Variants in STRN3 observed in about 807,000 individuals in gnomAD.
STRN3 encodes the protein striatin 3.
A neutral mutation model predicts 95.6 loss-of-function variants in STRN3; 29 were observed. The ratio of observed to expected loss-of-function variants is 0.30; its 90% CI spans 0.23 to 0.41. The LOEUF is 0.41. Among genes scored for constraint, STRN3 ranks in the 10% least tolerant of loss-of-function variants. The pLI is 1.00. For synonymous variants in STRN3, 331 were observed against 357.6 expected (o/e 0.93, Z 0.84); for missense variants, 890 against 972.1 (o/e 0.92, Z 1.12).
chr14:30,934,859 A>G lies in STRN3; in HGVS notation c.988+304T>C, dbSNP rs148246305. ...CGGGAATGTTTAAAACTGAATACATAAATTTTTAAAAATTGACTAAAGGGA... is the reference window on the plus strand; with the variant it reads ...CGGGAATGTTTAAAACTGAATACATGAATTTTTAAAAATTGACTAAAGGGA... On this transcript the variant is annotated intron_variant, in intron 7 of 17. Coordinates refer to ENST00000357479, the MANE Select transcript of STRN3 (RefSeq NM_001083893.2). 5.9e-5 allele frequency among the ~76,000 whole-genome samples: 9 copies of G among 152,324 alleles called. No individual in the cohort carries two copies. The East Asian group carries it at 1.7e-3, about 29-fold the overall frequency.
chr14:31,004,319 CG>C (rs1882617491), intron 1 of STRN3, among the ~76,000 whole-genome samples: 1 of 151,898 alleles, frequency 6.6e-6, no homozygotes, highest in East Asian at 1.9e-4. Flanking sequence ...AAAAAATTAG[CG>C]GAGTATGGTG....
intron 1 of STRN3, among the ~76,000 whole-genome samples, chr14:30,990,649 C>T (rs1881910054): frequency 1.3e-5 from 2 of 152,046 alleles, no homozygotes; most frequent in African/African-American, 4.8e-5. Flanking sequence ...TACAGTTGGC[C>T]CTCACTATCT....
At chr14:30,920,613 C>T (rs1896855136) in intron 8 of STRN3, among the ~76,000 whole-genome samples, 1 of 152,096 alleles carries the variant, frequency 6.6e-6, no homozygotes, top group Non-Finnish European at 1.5e-5. Context: ...AAAAAAGAAT[C>T]TCCCTTTAAA....
intron 1 of STRN3, among the ~76,000 whole-genome samples, chr14:31,020,274 G>A (rs532931949): frequency 6.6e-5 from 10 of 152,198 alleles, no homozygotes; most frequent in South Asian, 2.1e-4. Flanking sequence ...CAAGGCAGGC[G>A]GATTACTTGA....
At chr14:31,019,445 T>C (rs759693831) in intron 1 of STRN3, among the ~76,000 whole-genome samples, 30 of 152,230 alleles carry the variant, frequency 2.0e-4, no homozygotes, top group Non-Finnish European at 4.0e-4. Context: ...CACAATACTA[T>C]ATTATTTTCT....
At position 30,947,192 on chromosome 14, in the gene STRN3, C is replaced by T. The variant is rs1160015626; in HGVS notation, c.614G>A (p.Gly205Glu). The change falls in exon 5 of 18, where the codon GGA (glycine) becomes GAA (glutamate). Residue 205 changes from glycine (G) to glutamate (E), a missense_variant. Gly to Glu is a moderately conservative substitution (Grantham distance 98). This residue lies in a region of STRN3 where 526 missense variants were observed against 526.3 expected (regional missense o/e 1.00). Transcript: ENST00000357479. ...TCCATTTGGTTCTGAATTAGATAGT[C>T]CAAGTAATGACCTTACCCGCTGAGA... ...VRSQRVRSLLGLSNSEPNGSV... is the reference protein window; with the variant it reads ...VRSQRVRSLLELSNSEPNGSV... 2 of 1,613,126 alleles carry T rather than the reference C, an allele frequency of 1.2e-6. No individual in the cohort carries two copies. The highest frequency in any genetic ancestry group is 1.7e-6 in the Non-Finnish European group (2 of 1,179,560).
chr14:30,901,520 T>C (rs1462837923), intron 16 of STRN3, among the ~76,000 whole-genome samples: 1 of 152,238 alleles, frequency 6.6e-6, no homozygotes, highest in Non-Finnish European at 1.5e-5. Flanking sequence ...TCTTACTTGA[T>C]AATTTGTTAC....
intron 8 of STRN3, among the ~76,000 whole-genome samples, chr14:30,926,475 GTC>G (rs1469497979): frequency 6.6e-6 from 1 of 151,886 alleles, no homozygotes; most frequent in East Asian, 1.9e-4. Context: ...CAAATAAATA[GTC>G]TCTGAGTGGT....
intron 7 of STRN3, 52 bp from the exon 8 acceptor site, chr14:30,929,363 G>C (rs985565782): frequency 7.3e-7 from 1 of 1,362,424 alleles, no homozygotes; most frequent in African/African-American, 1.4e-5. Context: ...GGCAATGCAA[G>C]CTGTTGGCAG....
At chr14:30,996,407 C>T (rs1882199467) in intron 1 of STRN3, among the ~76,000 whole-genome samples, 1 of 152,142 alleles carries the variant, frequency 6.6e-6, no homozygotes, top group South Asian at 2.1e-4. Flanking sequence ...CAAACCTTTT[C>T]GATAAAGGGT....
At chr14:30,940,695 T>C (rs1226417237) in intron 5 of STRN3, among the ~76,000 whole-genome samples, 1 of 152,232 alleles carries the variant, frequency 6.6e-6, no homozygotes, top group Non-Finnish European at 1.5e-5. Flanking sequence ...CAAACATCCC[T>C]GGAAATACAT....
At chr14:30,977,211 A>G (rs987860045) in intron 1 of STRN3, among the ~76,000 whole-genome samples, 16 of 152,140 alleles carry the variant, frequency 1.1e-4, no homozygotes, top group Non-Finnish European at 2.4e-4. Context: ...GGGCAACAAG[A>G]GCGAAACTCT....
chr14:31,016,449 C>G (rs1448579006), intron 1 of STRN3, among the ~76,000 whole-genome samples: 1 of 152,066 alleles, frequency 6.6e-6, no homozygotes, highest in Non-Finnish European at 1.5e-5. Flanking sequence ...ACATATTATA[C>G]GATTCAAACT....
chr14:30,979,033 C>CAAAAAA, intron 1 of STRN3, among the ~76,000 whole-genome samples: 1 of 65,462 alleles, frequency 1.5e-5, no homozygotes, highest in Non-Finnish European at 2.6e-5. Context: ...GACTCCATCT[C>CAAAAAA]AAAAAAAAAA....
intron 8 of STRN3, 79 bp downstream of exon 8, chr14:30,929,122 A>G: frequency 8.2e-7 from 1 of 1,216,480 alleles, no homozygotes; most frequent in South Asian, 1.6e-5. Context: ...AAATTAAGTT[A>G]CACAAAGAAA....
At chr14:31,004,349 A>G (rs1882618844) in intron 1 of STRN3, among the ~76,000 whole-genome samples, 1 of 152,170 alleles carries the variant, frequency 6.6e-6, no homozygotes, top group African/African-American at 2.4e-5. Context: ...CTGTAGTCCC[A>G]GCTACTTGGT....
At chr14:30,929,069 AACAG>A (rs1265724422) in intron 8 of STRN3, 128 bp downstream of exon 8, 29 of 623,268 alleles carry the variant, frequency 4.7e-5, no homozygotes, top group Admixed American at 6.8e-5. Flanking sequence ...TCAATTATAC[AACAG>A]ACAAAGTTTA....
intron 1 of STRN3, among the ~76,000 whole-genome samples, chr14:30,993,880 CTTTT>C (rs201135781): frequency 7.2e-6 from 1 of 138,724 alleles, no homozygotes; most frequent in African/African-American, 2.7e-5. Flanking sequence ...GGGTTTCTTT[CTTTT>C]TTTTTTTTAA....
intron 1 of STRN3, among the ~76,000 whole-genome samples, chr14:31,005,263 C>T (rs1290901831): frequency 2.6e-5 from 4 of 152,008 alleles, no homozygotes; most frequent in African/African-American, 4.8e-5. Flanking sequence ...ACCCAGGAGT[C>T]GGAAGTTGTA....
Sources: allele counts gnomAD v4.1 joint callset (sites outside exome capture counted in the v4.1 genomes callset), GRCh38; gene constraint gnomAD v4.1.1; regional missense constraint gnomAD v4.1.1; transcripts MANE v1.5; gene names NCBI Gene and HGNC (gene_info 2026-07-23, HGNC 2026-07-21).